TRMT9B: variants seen among roughly 807,000 people sequenced by gnomAD.
TRMT9B encodes the protein probable tRNA methyltransferase 9B.
In TRMT9B, 16 loss-of-function variants were observed where a neutral mutation model predicts 11.5. The observed-to-expected ratio is 1.39, with a 90% CI of 0.94 to 2.11. The LOEUF is 2.11. Among genes scored for constraint, TRMT9B ranks in the 30% most tolerant of loss-of-function variants. The pLI is 0.00. For synonymous variants in TRMT9B, 274 were observed against 192.4 expected (o/e 1.42, Z -3.51); for missense variants, 941 against 553.8 (o/e 1.70, Z -7.02).
chr8:12,958,470 T>C (rs188626253), intron 1 of TRMT9B: 1 of 152,482 alleles, frequency 6.6e-6, no homozygotes, highest in Admixed American at 6.5e-5. Flanking sequence ...GGTGCCCAGC[T>C]ATGCCTCTGT....
chr8:12,993,184 T>C lies in TRMT9B; in HGVS notation c.-2+2153T>C, dbSNP rs565707979. On this transcript the variant is annotated intron_variant, in intron 2 of 4. Transcript: ENST00000524591. ...GACTGGACCAGGTCAGGGAGGGTTT[T>C]CGTGACAGACTGAGGAGTGCAGGTG... Among the ~76,000 whole-genome samples, 5 of 152,318 alleles carry C rather than the reference T, an allele frequency of 3.3e-5. No homozygotes were observed. The South Asian group carries it at 6.2e-4, about 19-fold the overall frequency.
intron 4 of TRMT9B, among the ~76,000 whole-genome samples, chr8:13,016,815 G>T (rs1317181693): frequency 6.7e-6 from 1 of 149,368 alleles, no homozygotes; most frequent in African/African-American, 2.5e-5. Flanking sequence ...GTCACAACTG[G>T]ATATGTTTAT....
chr8:12,966,158 C>G lies in TRMT9B; in HGVS notation c.-200+20192C>G, dbSNP rs553425129. Among the ~76,000 whole-genome samples, 9 of 151,938 alleles carry G rather than the reference C, an allele frequency of 5.9e-5. No homozygotes were observed. The South Asian group carries it at 1.3e-3, about 21-fold the overall frequency. On this transcript the variant is annotated intron_variant, in intron 1 of 4. Transcript: ENST00000524591. ...CTGGGCAACATAGTAAGACCCCCCC[C>G]ATCTCTACAGAAAGTGAAAAAAACA...
intron 1 of TRMT9B, among the ~76,000 whole-genome samples, chr8:12,980,105 A>G (rs1167553662): frequency 3.3e-5 from 5 of 152,128 alleles, no homozygotes; most frequent in Non-Finnish European, 5.9e-5. Flanking sequence ...AATGACCACA[A>G]AGTGGGTGGC....
At position 13,012,712 on chromosome 8, in the gene TRMT9B, G is replaced by A; in HGVS notation, c.183G>A (p.Val61=). Residue 61 remains valine (V), a synonymous_variant, in exon 4 of 5, where the codon GTG becomes GTA. Transcript: ENST00000524591. ...IGCGTGKYLK[V]NSQVHTVGCD... ...GTGGGACTGGAAAATATCTTAAAGTGAACAGCCAGGTACATACCGTGGGCT... is the reference window on the plus strand; with the variant it reads ...GTGGGACTGGAAAATATCTTAAAGTAAACAGCCAGGTACATACCGTGGGCT... 6.2e-7 allele frequency: 1 copy of A among 1,613,716 alleles called. No individual in the cohort carries two copies. Among genetic ancestry groups the A allele is most frequent in the South Asian group, 1.1e-5 (1 of 91,014 alleles).
chr8:12,974,945 G>A (rs983714630), intron 1 of TRMT9B, among the ~76,000 whole-genome samples: 1 of 150,884 alleles, frequency 6.6e-6, no homozygotes, highest in Non-Finnish European at 1.5e-5. Context: ...CATTATTTGT[G>A]AAAGAACTTT....
chr8:13,018,901 C>A (rs79956425), intron 4 of TRMT9B, among the ~76,000 whole-genome samples: 5,558 of 152,206 alleles, frequency 0.037, 324 homozygotes, highest in African/African-American at 0.13. Context: ...AAATCACCAA[C>A]AAGAAGCACA....
intron 1 of TRMT9B, among the ~76,000 whole-genome samples, chr8:12,973,345 C>T (rs1325033495): frequency 6.6e-6 from 1 of 152,132 alleles, no homozygotes; most frequent in Non-Finnish European, 1.5e-5. Context: ...TTCTCCCCAT[C>T]CTCAAGTCAA....
At chr8:13,016,488 T>G (rs566529074) in intron 4 of TRMT9B, among the ~76,000 whole-genome samples, 1 of 150,820 alleles carries the variant, frequency 6.6e-6, no homozygotes, top group Admixed American at 6.7e-5. Flanking sequence ...TATTTAAAGT[T>G]CTTATGTTGG....
intron 1 of TRMT9B, among the ~76,000 whole-genome samples, chr8:12,955,932 C>T (rs1187943707): frequency 2.0e-5 from 3 of 152,156 alleles, no homozygotes; most frequent in Non-Finnish European, 4.4e-5. Flanking sequence ...GAACTGCTAA[C>T]ATCAAGGGTG....
intron 1 of TRMT9B, among the ~76,000 whole-genome samples, chr8:12,985,776 A>T (rs886933366): frequency 6.6e-6 from 1 of 151,918 alleles, no homozygotes; most frequent in African/African-American, 2.4e-5. Context: ...CTCTAGTTTC[A>T]TTTATTTTCT....
At chr8:13,009,024 G>C (rs937765020) in intron 3 of TRMT9B, among the ~76,000 whole-genome samples, 1 of 151,998 alleles carries the variant, frequency 6.6e-6, no homozygotes, top group East Asian at 1.9e-4. Context: ...CACCGCGCCC[G>C]GCCGGTAATT....
intron 1 of TRMT9B, among the ~76,000 whole-genome samples, chr8:12,963,100 A>G (rs10109878): frequency 0.019 from 2,934 of 152,316 alleles, 104 homozygotes; most frequent in African/African-American, 0.067. Flanking sequence ...ATATTTTTAC[A>G]TGGAGCTTTT....
chr8:12,950,099 C>G (rs1373111504), intron 1 of TRMT9B, among the ~76,000 whole-genome samples: 3 of 152,168 alleles, frequency 2.0e-5, no homozygotes, highest in African/African-American at 4.8e-5. Context: ...AGCGATCCTC[C>G]CACCTCAGCC....
intron 1 of TRMT9B, chr8:12,969,950 C>T (rs1803363667): frequency 6.6e-6 from 1 of 150,638 alleles, no homozygotes; most frequent in African/African-American, 2.4e-5. Context: ...TCCCAAAATG[C>T]TGGAATTACA....
chr8:12,954,049 G>A (rs768408271), intron 1 of TRMT9B, among the ~76,000 whole-genome samples: 1 of 152,162 alleles, frequency 6.6e-6, no homozygotes, highest in African/African-American at 2.4e-5. Flanking sequence ...TTCCAAGGTA[G>A]TTCAAAGGTT....
intron 1 of TRMT9B, among the ~76,000 whole-genome samples, chr8:12,980,305 C>G (rs557883684): frequency 1.8e-4 from 28 of 152,190 alleles, no homozygotes; most frequent in Non-Finnish European, 3.1e-4. Flanking sequence ...TGTCTTCTCT[C>G]CTGTCTATTA....
At chr8:13,004,138 C>A (rs1177308060) in intron 2 of TRMT9B, among the ~76,000 whole-genome samples, 1 of 151,972 alleles carries the variant, frequency 6.6e-6, no homozygotes, top group Non-Finnish European at 1.5e-5. Context: ...AGGGGAATTG[C>A]TGGTCCCAGC....
chr8:12,963,606 G>C (rs1802431043), intron 1 of TRMT9B, among the ~76,000 whole-genome samples: 2 of 151,984 alleles, frequency 1.3e-5, no homozygotes, highest in Admixed American at 6.6e-5. Flanking sequence ...AATTAGCCTG[G>C]CGGTGGTGGA....
Sources: allele counts gnomAD v4.1 joint callset (sites outside exome capture counted in the v4.1 genomes callset), GRCh38; gene constraint gnomAD v4.1.1; transcripts MANE v1.5; gene names NCBI Gene and HGNC (gene_info 2026-07-23, HGNC 2026-07-21).